Variants in NDE1 observed in about 807,000 individuals in gnomAD.
NDE1 encodes nuclear distribution protein nudE homolog 1.
In NDE1, 28 loss-of-function variants were observed where a neutral mutation model predicts 43.4. The ratio of observed to expected loss-of-function variants is 0.65; its 90% CI spans 0.48 to 0.89. The LOEUF is 0.89. Among genes scored for constraint, NDE1 ranks in the 40% least tolerant of loss-of-function variants. The probability of loss-of-function intolerance (pLI) is 0.00; values close to 1 mark genes in which losing one functional copy is unlikely to be tolerated. For synonymous variants in NDE1, 184 were observed against 172.0 expected (o/e 1.07, Z -0.55); for missense variants, 441 against 434.1 (o/e 1.02, Z -0.14).
intron 8 of NDE1, chr16:15,718,955 C>A: frequency 2.1e-6 from 1 of 478,618 alleles, no homozygotes; most frequent in Non-Finnish European, 3.8e-6. Flanking sequence ...TGGTGAAACC[C>A]CACCTCTACT....
rs113964173 is a variant in NDE1 at position 15,715,019 on chromosome 16, C to G, written c.948-9172C>G. 5.6e-3 allele frequency: 9,082 copies of G among 1,613,984 alleles called. 39 individuals carry two copies. The highest frequency in any genetic ancestry group is 0.017 in the Middle Eastern group (103 of 6,062). The stretch of plus-strand genomic sequence containing the variant: ...TGCGGTTGGCGTTGATGCGCTGGGA[C>G]TCCTCCTCTGCCTCCTCCAGCTGCC... On this transcript the variant is annotated intron_variant, in intron 8 of 8. Transcript: ENST00000396354.
At position 15,724,409 on chromosome 16, in the gene NDE1, G is replaced by A; in HGVS notation, c.*158G>A. Reference sequence around the variant, plus strand: ...TGCAGCTTCTTCTTCGAGTCGGAGAGCTACAAGGACAGCGTCCAGGGTAGG... The same window carrying A: ...TGCAGCTTCTTCTTCGAGTCGGAGAACTACAAGGACAGCGTCCAGGGTAGG... On this transcript the variant is annotated 3_prime_UTR_variant, in exon 9 of 9. Transcript: ENST00000396354. 1 of 1,613,830 alleles carries A rather than the reference G, an allele frequency of 6.2e-7. No homozygotes were observed. The highest frequency in any genetic ancestry group is 1.1e-5 in the South Asian group (1 of 91,064).
At chr16:15,724,151 C>G in intron 8 of NDE1, 40 bp from the exon 9 acceptor site, 1 of 1,612,756 alleles carries the variant, frequency 6.2e-7, no homozygotes, top group Non-Finnish European at 8.5e-7. Flanking sequence ...GGACACCCCA[C>G]GCCCTCTACC....
upstream of NDE1, chr16:15,650,114 C>G (rs1435246812): frequency 2.0e-5 from 3 of 152,814 alleles, no homozygotes; most frequent in Non-Finnish European, 4.4e-5. Flanking sequence ...AAAAAAGTTT[C>G]CAAACGACGC....
chr16:15,715,193 G>A lies in NDE1; in HGVS notation c.948-8998G>A, dbSNP rs757542362. The A allele has an allele frequency of 2.0e-5, 32 of 1,613,826 alleles. No individual in the cohort carries two copies. The highest frequency in any genetic ancestry group is 1.3e-5 in the African/African-American group (1 of 74,922). On this transcript the variant is annotated intron_variant, in intron 8 of 8. Coordinates refer to ENST00000396354, the MANE Select transcript of NDE1 (RefSeq NM_017668.3). ...TCCTTGTACTGCTCGGCCATCTTGC[G>A]CTCGTCCTCCACCTGCAGCAAGATT...
chr16:15,664,671 T>G, intron 1 of NDE1, 65 bp from the exon 2 acceptor site: 1 of 922,390 alleles, frequency 1.1e-6, no homozygotes, highest in Non-Finnish European at 1.7e-6. Flanking sequence ...TTTTTTTTTT[T>G]TCTGTTAAAG....
intron 3 of NDE1, among the ~76,000 whole-genome samples, chr16:15,669,632 T>C (rs2037491960): frequency 6.6e-6 from 1 of 152,046 alleles, no homozygotes; most frequent in Non-Finnish European, 1.5e-5. Context: ...AGTGCTGGGA[T>C]TACAGGTGTG....
At chr16:15,652,931 G>T (rs1467278973) in intron 1 of NDE1, among the ~76,000 whole-genome samples, 3 of 152,168 alleles carry the variant, frequency 2.0e-5, no homozygotes, top group Non-Finnish European at 4.4e-5. Context: ...CTCCCAACGT[G>T]CCGGGGTGGG....
At chr16:15,686,467 G>A in intron 4 of NDE1, 1 of 985,324 alleles carries the variant, frequency 1.0e-6, no homozygotes, top group Non-Finnish European at 1.2e-6. Context: ...GGCTGGTACT[G>A]GGCATTTTGA....
upstream of NDE1, among the ~76,000 whole-genome samples, chr16:15,648,034 C>CAA (rs34798321): frequency 5.4e-3 from 656 of 121,462 alleles, 2 homozygotes; most frequent in Middle Eastern, 0.013. Context: ...CTCTGTCTCA[C>CAA]AAAAAAAAAA....
At chr16:15,670,099 C>A (rs866726401) in intron 3 of NDE1, among the ~76,000 whole-genome samples, 3 of 152,176 alleles carry the variant, frequency 2.0e-5, no homozygotes, top group Middle Eastern at 3.2e-3. Context: ...CATCTCCCCG[C>A]CTTGCTCTGA....
At chr16:15,664,917 G>A (rs1222324622) in intron 2 of NDE1, 56 bp downstream of exon 2, 1 of 1,361,706 alleles carries the variant, frequency 7.3e-7, no homozygotes, top group African/African-American at 1.5e-5. Context: ...ATGGGGTCCT[G>A]CTATGTTACC....
intron 8 of NDE1, chr16:15,703,828 G>T: frequency 3.2e-6 from 3 of 933,634 alleles, no homozygotes; most frequent in African/African-American, 1.6e-5. Flanking sequence ...TATATTCCTT[G>T]TGTGAGGGGT....
intron 1 of NDE1, among the ~76,000 whole-genome samples, chr16:15,645,133 T>C (rs1048461247): frequency 2.0e-5 from 3 of 152,168 alleles, no homozygotes; most frequent in African/African-American, 7.2e-5. Flanking sequence ...TTGGCCAGGC[T>C]GGTCTCGAAC....
intron 8 of NDE1, chr16:15,712,790 T>C (rs995675960): frequency 7.3e-6 from 1 of 137,232 alleles, no homozygotes; most frequent in Non-Finnish European, 1.7e-5. Context: ...TGCTGCCCTG[T>C]CAGGGGACCT....
intron 8 of NDE1, chr16:15,719,072 G>C: frequency 1.3e-6 from 1 of 765,276 alleles, no homozygotes; most frequent in Non-Finnish European, 2.2e-6. Context: ...AGGTTGCAGT[G>C]AGCCAAGATT....
rs1294101175 is a variant in NDE1, at chr16:15,651,965, T to TGG, written c.-44+1672_-44+1673dup. On this transcript the variant is annotated intron_variant, in intron 1 of 8. Transcript: ENST00000396354. ...TGTTCTTGTCCAGGCTGGAGTGCAG[T>TGG]GGCATGATCTCGACTCACTGCAACC... 14 of 152,210 alleles carry TGG rather than the reference T, an allele frequency of 9.2e-5. No individual in the cohort carries two copies. The East Asian group carries it at 2.7e-3, about 29-fold the overall frequency. The allele number at this position is 152,210 out of a possible 1,614,324, so 9.4% of individuals were successfully genotyped here.
chr16:15,719,392 T>C, intron 8 of NDE1: 4 of 1,507,702 alleles, frequency 2.7e-6, no homozygotes, highest in Non-Finnish European at 3.6e-6. Context: ...CAGCCACCCT[T>C]GAAAGTACAT....
intron 2 of NDE1, among the ~76,000 whole-genome samples, chr16:15,665,941 A>C (rs895165101): frequency 3.3e-5 from 5 of 151,916 alleles, no homozygotes; most frequent in African/African-American, 1.2e-4. Context: ...TTTTTAGTAG[A>C]GACGGGGTTT....
Sources: gnomAD v4.1 joint callset for allele counts (sites outside exome capture counted in the v4.1 genomes callset) on GRCh38, gnomAD v4.1.1 for gene constraint, MANE v1.5 for transcripts, NCBI Gene and HGNC (gene_info 2026-07-23, HGNC 2026-07-21) for gene names.